The following ERBB4 variants were observed in gnomAD, a reference collection of about 807,000 sequenced individuals.
ERBB4 encodes the protein erb-b2 receptor tyrosine kinase 4, also known as receptor tyrosine-protein kinase erbB-4.
ERBB4 carries 42 observed loss-of-function variants against 158.0 expected under a neutral mutation model. That is an observed-to-expected ratio of 0.27 (90% CI 0.21 to 0.34). The LOEUF (loss-of-function observed/expected upper bound fraction) is 0.34, where lower values mean the gene tolerates loss of function less well. Among genes scored for constraint, ERBB4 ranks in the 10% least tolerant of loss-of-function variants. The pLI, the probability that ERBB4 is intolerant of heterozygous loss-of-function variation, is 1.00. For missense variants in ERBB4, 1,333 were observed against 1,624.1 expected, an observed-to-expected ratio of 0.82 and a Z score of 3.08; for synonymous variants, 583 against 558.7, an observed-to-expected ratio of 1.04 and a Z score of -0.61.
chr2:212,258,159 T>A (rs1348182329), intron 1 of ERBB4, among the ~76,000 whole-genome samples: 1 of 152,128 alleles, frequency 6.6e-6, no homozygotes, highest in Non-Finnish European at 1.5e-5. Flanking sequence ...TAGTAAAAAT[T>A]AGATTTTTAA....
At chr2:212,265,111 C>G (rs1053019854) in intron 1 of ERBB4, among the ~76,000 whole-genome samples, 6 of 152,094 alleles carry the variant, frequency 3.9e-5, no homozygotes, top group Non-Finnish European at 7.4e-5. Context: ...AATAGATATT[C>G]AGTGCTCAGG....
intron 1 of ERBB4, among the ~76,000 whole-genome samples, chr2:212,167,603 G>GTATACTCA (rs2081386979): frequency 6.6e-6 from 1 of 151,990 alleles, no homozygotes; most frequent in Non-Finnish European, 1.5e-5. Flanking sequence ...TATACCCAAA[G>GTATACTCA]GATTATAAAT....
chr2:212,261,059 C>G (rs2084927344), intron 1 of ERBB4, among the ~76,000 whole-genome samples: 1 of 152,092 alleles, frequency 6.6e-6, no homozygotes, highest in African/African-American at 2.4e-5. Flanking sequence ...GGACTTTGCT[C>G]CAACAAAGCA....
At chr2:212,493,050 G>T (rs1383572471) in intron 1 of ERBB4, among the ~76,000 whole-genome samples, 1 of 151,230 alleles carries the variant, frequency 6.6e-6, no homozygotes, top group African/African-American at 2.4e-5. Flanking sequence ...GTGAACGTAT[G>T]GTGTTAAATA....
chr2:211,777,446 T>C (rs1418474826), intron 4 of ERBB4: 3 of 152,180 alleles, frequency 2.0e-5, no homozygotes, highest in Non-Finnish European at 4.4e-5. Context: ...ATTATTTACC[T>C]TATCTTAACA....
At chr2:211,676,759 C>G (rs1228521020) in intron 13 of ERBB4, among the ~76,000 whole-genome samples, 2 of 152,106 alleles carry the variant, frequency 1.3e-5, no homozygotes, top group Non-Finnish European at 2.9e-5. Flanking sequence ...ATTCAATAAA[C>G]TTTTAATGTA....
intron 25 of ERBB4, among the ~76,000 whole-genome samples, chr2:211,393,810 C>T (rs1198135049): frequency 7.0e-6 from 1 of 143,486 alleles, no homozygotes; most frequent in Non-Finnish European, 1.5e-5. Flanking sequence ...CCTACAAGTC[C>T]TTTTTATCTA....
At chr2:211,740,521 G>A (rs2106180908) in intron 5 of ERBB4, among the ~76,000 whole-genome samples, 1 of 151,156 alleles carries the variant, frequency 6.6e-6, no homozygotes, top group South Asian at 2.1e-4. Context: ...AAGTTGACCT[G>A]TATCCAGTTA....
chr2:211,706,070 C>A (rs542392737), intron 9 of ERBB4, among the ~76,000 whole-genome samples: 11 of 152,058 alleles, frequency 7.2e-5, no homozygotes, highest in Non-Finnish European at 1.6e-4. Flanking sequence ...AAGAAATCCA[C>A]AGTAAGTTTT....
intron 1 of ERBB4, among the ~76,000 whole-genome samples, chr2:212,424,743 G>C (rs1199838202): frequency 6.6e-6 from 1 of 151,340 alleles, no homozygotes; most frequent in East Asian, 1.9e-4. Flanking sequence ...GTTTGTTTTT[G>C]GTGTAGAAGG....
At chr2:211,541,558 C>T (rs2066810286) in intron 20 of ERBB4, among the ~76,000 whole-genome samples, 1 of 151,940 alleles carries the variant, frequency 6.6e-6, no homozygotes, top group African/African-American at 2.4e-5. Flanking sequence ...AAAGCTCAAC[C>T]CTGGGGAAAA....
chr2:211,715,744 A>G (rs2073874663), intron 7 of ERBB4, among the ~76,000 whole-genome samples: 1 of 152,062 alleles, frequency 6.6e-6, no homozygotes, highest in Admixed American at 6.5e-5. Flanking sequence ...CTTCACTGTG[A>G]TTGAAAGTTT....
chr2:212,345,069 T>C (rs1028705870), intron 1 of ERBB4, among the ~76,000 whole-genome samples: 15 of 151,556 alleles, frequency 9.9e-5, no homozygotes, highest in Admixed American at 8.5e-4. Context: ...ATCGAGACCA[T>C]CCAGGCTAAC....
At chr2:212,054,308 G>C (rs1038654259) in intron 2 of ERBB4, among the ~76,000 whole-genome samples, 3 of 152,146 alleles carry the variant, frequency 2.0e-5, no homozygotes, top group African/African-American at 7.2e-5. Context: ...CTGTGTCTGA[G>C]TAAAGCATGC....
intron 20 of ERBB4, among the ~76,000 whole-genome samples, chr2:211,531,558 G>T (rs971157347): frequency 6.6e-6 from 1 of 152,038 alleles, no homozygotes; most frequent in South Asian, 2.1e-4. Flanking sequence ...ACATGAAAAG[G>T]TGCTCAACAT....
chr2:212,475,286 T>C (rs1277279617), intron 1 of ERBB4, among the ~76,000 whole-genome samples: 5 of 152,168 alleles, frequency 3.3e-5, no homozygotes, highest in Non-Finnish European at 5.9e-5. Flanking sequence ...GCAGTCATCA[T>C]GAATCACTTC....
chr2:212,039,600 A>T (rs2077091854), intron 2 of ERBB4, among the ~76,000 whole-genome samples: 4 of 152,210 alleles, frequency 2.6e-5, no homozygotes, highest in Admixed American at 2.6e-4. Context: ...TATGCTGAGT[A>T]GCAATAATCA....
At chr2:211,622,689 G>C (rs113522752) in intron 18 of ERBB4, among the ~76,000 whole-genome samples, 1,980 of 151,660 alleles carry the variant, frequency 0.013, 61 homozygotes, top group African/African-American at 0.046. Flanking sequence ...ATGCCAGCCG[G>C]GCATGGTGGC....
At chr2:211,597,667 C>CTTTTACATATTTG (rs6147152) in intron 19 of ERBB4, among the ~76,000 whole-genome samples, 1 of 151,616 alleles carries the variant, frequency 6.6e-6, no homozygotes, top group African/African-American at 2.4e-5. Flanking sequence ...ACAAATTCAT[C>CTTTTACATATTTG]TTTTCATTAG....
Sources: allele counts gnomAD v4.1 joint callset (sites outside exome capture counted in the v4.1 genomes callset), GRCh38; gene constraint gnomAD v4.1.1; transcripts MANE v1.5; gene names NCBI Gene and HGNC (gene_info 2026-07-23, HGNC 2026-07-21).